Variants in FIG4 observed in about 807,000 individuals in gnomAD.
The protein encoded by FIG4 is polyphosphoinositide phosphatase.
FIG4 carries 112 observed loss-of-function variants against 118.6 expected under a neutral mutation model. That is an observed-to-expected ratio of 0.94 (90% confidence interval 0.81 to 1.11). The LOEUF is 1.11. Among genes scored for constraint, FIG4 ranks in the 50% least tolerant of loss-of-function variants. The pLI is 0.00. For synonymous variants in FIG4, 369 were observed against 381.2 expected (o/e 0.97, Z 0.37); for missense variants, 969 against 1,111.7 (o/e 0.87, Z 1.83).
At chr6:109,823,764 C>A (rs964844823) in intron 22 of FIG4, among the ~76,000 whole-genome samples, 1 of 151,966 alleles carries the variant, frequency 6.6e-6, no homozygotes, top group Non-Finnish European at 1.5e-5. Flanking sequence ...TAAGATGCAC[C>A]CTAGCAAGGC....
At chr6:109,777,271 A>G (rs950380536) in intron 16 of FIG4, among the ~76,000 whole-genome samples, 12 of 152,300 alleles carry the variant, frequency 7.9e-5, no homozygotes, top group African/African-American at 2.9e-4. Context: ...AAGGAAGTAC[A>G]TCATGGAGAA....
intron 22 of FIG4, among the ~76,000 whole-genome samples, chr6:109,810,049 C>T (rs9400322): frequency 0.25 from 38,548 of 151,972 alleles, 5,388 homozygotes; most frequent in East Asian, 0.32. Flanking sequence ...AACACTGACT[C>T]TGTGTCTCCT....
chr6:109,769,195 C>G (rs909161201), intron 15 of FIG4, among the ~76,000 whole-genome samples: 1 of 151,756 alleles, frequency 6.6e-6, no homozygotes, highest in Non-Finnish European at 1.5e-5. Flanking sequence ...CTCCGCCTCC[C>G]GGGTTCAAGC....
At chr6:109,712,341 A>G (rs558702032) in intron 1 of FIG4, among the ~76,000 whole-genome samples, 1 of 152,308 alleles carries the variant, frequency 6.6e-6, no homozygotes, top group Admixed American at 6.5e-5. Context: ...GATATCCTGA[A>G]ATATGTTTTC....
In FIG4 at chr6:109,716,440, C is replaced by A; in HGVS notation, c.166-5C>A. Reference sequence around the variant, plus strand: ...ACCTTACAGAGTAAATGTGCTTATTCTTAGCATGTCTATACTCAACAAGAA... The same window carrying A: ...ACCTTACAGAGTAAATGTGCTTATTATTAGCATGTCTATACTCAACAAGAA... On this transcript the variant is annotated splice_region_variant and splice_polypyrimidine_tract_variant and intron_variant, in intron 2 of 22. Transcript: ENST00000230124. 1 of 1,613,286 alleles carries A rather than the reference C, an allele frequency of 6.2e-7. No homozygotes were observed. Among genetic ancestry groups the A allele is most frequent in the East Asian group, 2.2e-5 (1 of 44,842 alleles).
chr6:109,787,393 ATAGT>A (rs1051871809), intron 18 of FIG4, among the ~76,000 whole-genome samples: 5 of 152,130 alleles, frequency 3.3e-5, no homozygotes, highest in Non-Finnish European at 2.9e-5. Flanking sequence ...TCAGTTTCAG[ATAGT>A]TAGGAACAGT....
At chr6:109,785,177 G>C in intron 17 of FIG4, 149 bp downstream of exon 17, 2 of 643,304 alleles carry the variant, frequency 3.1e-6, no homozygotes, top group Non-Finnish European at 5.6e-6. Context: ...TTAATAGATA[G>C]GATATTATAA....
rs369713223 is a variant in FIG4, at chr6:109,778,850, T to C, written c.1889+1790T>C. On this transcript the variant is annotated intron_variant, in intron 16 of 22. Coordinates refer to ENST00000230124, the MANE Select transcript of FIG4 (RefSeq NM_014845.6). The stretch of plus-strand genomic sequence containing the variant: ...TCCTGCCCTTGTGATCTGCCCGCCT[T>C]GGCCTCCCAAAGTGCTGGGATTACA... Among the ~76,000 whole-genome samples the C allele has an allele frequency of 5.8e-3, 875 of 152,150 alleles. 7 individuals carry two copies. Among genetic ancestry groups the C allele is most frequent in the African/African-American group, 0.02 (815 of 41,448 alleles).
intron 19 of FIG4, among the ~76,000 whole-genome samples, chr6:109,790,302 A>G (rs558225472): frequency 2.6e-5 from 4 of 152,342 alleles, no homozygotes; most frequent in Non-Finnish European, 5.9e-5. Flanking sequence ...TCTTAATTGT[A>G]TTCTAGCTAT....
intron 1 of FIG4, among the ~76,000 whole-genome samples, chr6:109,710,950 T>C (rs781301339): frequency 7.9e-5 from 12 of 152,138 alleles, no homozygotes; most frequent in Non-Finnish European, 1.5e-4. Context: ...ACCTTTTGAA[T>C]GGTTTTTCGT....
chr6:109,821,081 C>T (rs558663440), intron 22 of FIG4, among the ~76,000 whole-genome samples: 3 of 152,260 alleles, frequency 2.0e-5, no homozygotes, highest in South Asian at 2.1e-4. Context: ...GGGCTGAGGC[C>T]GTCTGGGCCA....
chr6:109,792,559 TC>T, intron 20 of FIG4, 22 bp from the exon 21 acceptor site: 1 of 1,436,592 alleles, frequency 7.0e-7, no homozygotes, highest in Admixed American at 1.7e-5. Context: ...TCCTGGTTCT[TC>T]TTTTTTTTTT....
intron 10 of FIG4, among the ~76,000 whole-genome samples, chr6:109,755,660 C>A (rs925922526): frequency 2.6e-5 from 4 of 152,212 alleles, no homozygotes; most frequent in South Asian, 2.1e-4. Flanking sequence ...GTTAGCTCTT[C>A]TTGTTGAATT....
At chr6:109,808,314 G>T (rs1469050410) in intron 22 of FIG4, among the ~76,000 whole-genome samples, 1 of 129,124 alleles carries the variant, frequency 7.7e-6, no homozygotes, top group Non-Finnish European at 1.6e-5. Flanking sequence ...AAGTATATTG[G>T]TGATCATTAT....
chr6:109,779,995 ACACAGAATAAACCCTGTACT>A (rs1284621563), intron 16 of FIG4, among the ~76,000 whole-genome samples: 3 of 152,214 alleles, frequency 2.0e-5, no homozygotes, highest in Non-Finnish European at 4.4e-5. Context: ...ACTGGGTCTG[ACACAGAATAAACCCTGTACT>A]GAAGTAGCCA....
chr6:109,716,196 A>G (rs576179572), intron 2 of FIG4, among the ~76,000 whole-genome samples: 1 of 152,312 alleles, frequency 6.6e-6, no homozygotes, highest in Non-Finnish European at 1.5e-5. Context: ...AAATCTCTGC[A>G]TCTCTGGTTT....
At chr6:109,693,773 T>A (rs1237622825) in intron 1 of FIG4, among the ~76,000 whole-genome samples, 1 of 152,144 alleles carries the variant, frequency 6.6e-6, no homozygotes, top group Non-Finnish European at 1.5e-5. Flanking sequence ...GGAATCAGGA[T>A]CCTCTTTGTT....
chr6:109,764,944 A>G, intron 13 of FIG4, 69 bp from the exon 14 acceptor site: 1 of 1,162,150 alleles, frequency 8.6e-7, no homozygotes, highest in South Asian at 1.4e-5. Flanking sequence ...TCTTAAAGAA[A>G]TCTAAAGTAG....
At chr6:109,770,567 G>A (rs528602682) in intron 15 of FIG4, among the ~76,000 whole-genome samples, 1 of 152,064 alleles carries the variant, frequency 6.6e-6, no homozygotes, top group South Asian at 2.1e-4. Context: ...GGTTGAATTG[G>A]CCCATGATTT....
Sources: allele counts gnomAD v4.1 joint callset (sites outside exome capture counted in the v4.1 genomes callset), GRCh38; gene constraint gnomAD v4.1.1; transcripts MANE v1.5; gene names NCBI Gene and HGNC (gene_info 2026-07-23, HGNC 2026-07-21).